Variants in DCPS observed in about 807,000 individuals in gnomAD.
DCPS encodes decapping enzyme, scavenger, also known as m7GpppX diphosphatase.
A neutral mutation model predicts 34.7 loss-of-function variants in DCPS; 27 were observed. The observed-to-expected ratio is 0.78, with a 90% confidence interval of 0.57 to 1.07. The LOEUF (loss-of-function observed/expected upper bound fraction) is 1.07. Among genes scored for constraint, DCPS ranks in the 50% least tolerant of loss-of-function variants. The probability of loss-of-function intolerance (pLI) is 0.00; values close to 1 mark genes in which losing one functional copy is unlikely to be tolerated. For synonymous variants in DCPS, 185 were observed against 185.7 expected, an observed-to-expected ratio of 1.00 and a Z score of 0.03; for missense variants, 464 against 436.9, an observed-to-expected ratio of 1.06 and a Z score of -0.55.
Position 126,334,104 on chromosome 11 carries a change from A to G in DCPS, c.522+2554A>G, listed in dbSNP as rs1951812842. 6.6e-6 allele frequency among the ~76,000 whole-genome samples: 1 copy of G among 152,098 alleles called. No homozygotes were observed. Among genetic ancestry groups the G allele is most frequent in the South Asian group, 2.1e-4 (1 of 4,824 alleles). Reference sequence around the variant, plus strand: ...AGGATTCTGGAGCAATTTAAGAGGTAGGTCTTCACAGGGCTGGATGGGGCT... The same window carrying G: ...AGGATTCTGGAGCAATTTAAGAGGTGGGTCTTCACAGGGCTGGATGGGGCT... On this transcript the variant is annotated intron_variant, in intron 3 of 5. Transcript: ENST00000263579. The surrounding 1 kb of genome is among the most constrained non-coding windows in gnomAD (Gnocchi z 5.5).
chr11:126,339,557 G>A (rs1366008951), intron 4 of DCPS, among the ~76,000 whole-genome samples: 4 of 152,224 alleles, frequency 2.6e-5, no homozygotes, highest in African/African-American at 9.6e-5. Flanking sequence ...TGACCCAAGG[G>A]GTGGGAAAGA....
rs1341186227 is a variant in DCPS, at chr11:126,335,383, A to G, written c.523-2903A>G. On this transcript the variant is annotated intron_variant, in intron 3 of 5. Transcript: ENST00000263579. The surrounding 1 kb of genome is among the most constrained non-coding windows in gnomAD (Gnocchi z 4.8). ...GCCAAGTTCTTGGGCATGGTTTCAG[A>G]TGGTGGCACTCCCCATTACATAGCT... 6.6e-6 allele frequency among the ~76,000 whole-genome samples: 1 copy of G among 152,226 alleles called. No individual in the cohort carries two copies. Among genetic ancestry groups the G allele is most frequent in the African/African-American group, 2.4e-5 (1 of 41,462 alleles).
In DCPS at chr11:126,331,491, G is replaced by A. The variant is rs1463307291; in HGVS notation, c.463G>A (p.Gly155Arg). The A allele has an allele frequency of 3.7e-6, 6 of 1,613,998 alleles. No homozygotes were observed. The highest frequency in any genetic ancestry group is 5.1e-6 in the Non-Finnish European group (6 of 1,180,042). Reference sequence around the variant, plus strand: ...GGACCTCCGCCTGATCCGAGAGACGGGAGATGACTACAGGAATATTACTTT... The same window carrying A: ...GGACCTCCGCCTGATCCGAGAGACGAGAGATGACTACAGGAATATTACTTT... ...RQDLRLIRETGDDYRNITLPH... is the reference protein window; with the variant it reads ...RQDLRLIRETRDDYRNITLPH... The change falls in exon 3 of 6, where the codon GGA becomes AGA. Residue 155 changes from glycine (G) to arginine (R), a missense_variant. Transcript: ENST00000263579. This position sits in a 1 kb window ranked among gnomAD's most constrained non-coding sequence, Gnocchi z 7.2.
At chr11:126,321,729 TG>T (rs1951707810) in intron 2 of DCPS, among the ~76,000 whole-genome samples, 1 of 152,002 alleles carries the variant, frequency 6.6e-6, no homozygotes, top group African/African-American at 2.4e-5. Context: ...AGAAACTGTG[TG>T]GGGAGAAGAC....
intron 1 of DCPS, 74 bp from the exon 2 acceptor site, chr11:126,306,496 G>T: frequency 7.0e-7 from 1 of 1,426,560 alleles, no homozygotes. Flanking sequence ...AAGGCCCTGG[G>T]AGCTTCTGTC....
At position 126,345,368 on chromosome 11, in the gene DCPS, C is replaced by A. The variant is rs146794173; in HGVS notation, c.769C>A (p.Arg257=). 1 of 1,614,034 alleles carries A rather than the reference C, an allele frequency of 6.2e-7. No individual in the cohort carries two copies. The highest frequency in any genetic ancestry group is 1.7e-5 in the Admixed American group (1 of 60,028). Residue 257 remains arginine, a synonymous_variant, in exon 6 of 6, where the codon CGG becomes AGG. Coordinates refer to ENST00000263579, the MANE Select transcript of DCPS (RefSeq NM_014026.6). This position sits in a 1 kb window ranked among gnomAD's most constrained non-coding sequence, Gnocchi z 7.4. ...TCAGGAGGCCATCCTGCAGCGCTAC[C>A]GGATGAAGGGAGACCATCTGCGAGT... ...QGQEAILQRY[R]MKGDHLRVYL...
At chr11:126,330,679 G>A (rs1227852986) in intron 2 of DCPS, among the ~76,000 whole-genome samples, 1 of 121,452 alleles carries the variant, frequency 8.2e-6, no homozygotes, top group Non-Finnish European at 1.6e-5. Flanking sequence ...GGACTACTGG[G>A]CTTTAAACCA....
Position 126,322,830 on chromosome 11 carries a change from A to G in DCPS, c.377-8575A>G, listed in dbSNP as rs750456506. ...TCTATCCTAAAATTCTTTAGCAAGA[A>G]GCAAAAAAATTTTTTTGAGACAATG... On this transcript the variant is annotated intron_variant, in intron 2 of 5. Transcript: ENST00000263579. The surrounding 1 kb of genome is among the most constrained non-coding windows in gnomAD (Gnocchi z 4.2). Among the ~76,000 whole-genome samples, 5 of 152,100 alleles carry G rather than the reference A, an allele frequency of 3.3e-5. No individual in the cohort carries two copies. The highest frequency in any genetic ancestry group is 5.9e-5 in the Non-Finnish European group (4 of 68,014).
At chr11:126,341,667 A>G (rs987399008) in intron 4 of DCPS, 1 of 152,254 alleles carries the variant, frequency 6.6e-6, no homozygotes, top group African/African-American at 2.4e-5. Flanking sequence ...ATACACCTTC[A>G]CCACCACGTG....
In DCPS at chr11:126,329,068, T is replaced by C. The variant is rs1591387840; in HGVS notation, c.377-2337T>C. Among the ~76,000 whole-genome samples, 2 of 152,274 alleles carry C rather than the reference T, an allele frequency of 1.3e-5. No individual in the cohort carries two copies. The highest frequency in any genetic ancestry group is 4.1e-4 in the South Asian group (2 of 4,820). Reference sequence around the variant, plus strand: ...AAGCTCCACTGCAGATGTATGGATTTCCCTCAGGTCCACTGCAAGGGCCAA... The same window carrying C: ...AAGCTCCACTGCAGATGTATGGATTCCCCTCAGGTCCACTGCAAGGGCCAA... On this transcript the variant is annotated intron_variant, in intron 2 of 5. Transcript: ENST00000263579. The surrounding 1 kb of genome is among the most constrained non-coding windows in gnomAD (Gnocchi z 5.0).
intron 4 of DCPS, among the ~76,000 whole-genome samples, 154 bp from the exon 5 acceptor site, chr11:126,343,153 A>C (rs542536269): frequency 6.6e-6 from 1 of 150,942 alleles, no homozygotes; most frequent in African/African-American, 2.4e-5. Context: ...AGACCATCCC[A>C]CACGCCCGGG....
rs1225230121 is a variant in DCPS, at chr11:126,309,075, AGTGCAATGGCAC to A, written c.376+2334_376+2345del. Among the ~76,000 whole-genome samples, 26 of 142,756 alleles carry A rather than the reference AGTGCAATGGCAC, an allele frequency of 1.8e-4. No individual in the cohort carries two copies. The South Asian group carries it at 5.4e-3, about 29-fold the overall frequency. 93.7% of individuals were successfully genotyped at this position (142,756 alleles called of 152,430 possible). On this transcript the variant is annotated intron_variant, in intron 2 of 5. Coordinates refer to ENST00000263579, the MANE Select transcript of DCPS (RefSeq NM_014026.6). ...GTTTTGCTCTTGTCACCCAGACTGGAGTGCAATGGCACGTTCTTGGCTCACTGCAACCTCCGC... is the reference window on the plus strand; with the variant it reads ...GTTTTGCTCTTGTCACCCAGACTGGAGTTCTTGGCTCACTGCAACCTCCGC...
rs368011898 is a variant in DCPS at position 126,323,986 on chromosome 11, A to G, written c.377-7419A>G. ...TCTGGGATTACAGAAGCAAGCCACC[A>G]TGCCTGGCTAATTTTTTTGTGTTTT... On this transcript the variant is annotated intron_variant, in intron 2 of 5. Coordinates refer to ENST00000263579, the MANE Select transcript of DCPS (RefSeq NM_014026.6). The surrounding 1 kb of genome is among the most constrained non-coding windows in gnomAD (Gnocchi z 4.4). Among the ~76,000 whole-genome samples the G allele has an allele frequency of 2.0e-4, 30 of 151,972 alleles. No homozygotes were observed. The highest frequency in any genetic ancestry group is 6.8e-4 in the African/African-American group (28 of 41,366).
Position 126,322,865 on chromosome 11 carries a change from G to C in DCPS, c.377-8540G>C, listed in dbSNP as rs888035222. 1.3e-5 allele frequency among the ~76,000 whole-genome samples: 2 copies of C among 152,156 alleles called. No homozygotes were observed. Among genetic ancestry groups the C allele is most frequent in the Admixed American group, 1.3e-4 (2 of 15,272 alleles). On this transcript the variant is annotated intron_variant, in intron 2 of 5. Transcript: ENST00000263579. The surrounding 1 kb of genome is among the most constrained non-coding windows in gnomAD (Gnocchi z 4.2). ...TTTTTTTGAGACAATGTCTCACTTT[G>C]TTGCCAGGTTGGAGTCCAGTGGTAC...
chr11:126,310,218 C>T lies in DCPS; in HGVS notation c.376+3474C>T, dbSNP rs192948960. On this transcript the variant is annotated intron_variant, in intron 2 of 5. Coordinates refer to ENST00000263579, the MANE Select transcript of DCPS (RefSeq NM_014026.6). ...CTTTAAAAAAACACCATCTGTATGC[C>T]GGCGACGCCCACCTTTATTTCTCCA... is the stretch of plus-strand genomic sequence containing the variant. Among the ~76,000 whole-genome samples, 301 of 152,278 alleles carry T rather than the reference C, an allele frequency of 2.0e-3. 2 individuals carry two copies. The highest frequency in any genetic ancestry group is 7.0e-3 in the African/African-American group (292 of 41,554).
At chr11:126,304,332 T>G in intron 1 of DCPS, 51 bp downstream of exon 1, 1 of 1,587,974 alleles carries the variant, frequency 6.3e-7, no homozygotes. Flanking sequence ...GAACCAATCA[T>G]CGCCTCGGAG....
chr11:126,340,550 G>A (rs1417671591), intron 4 of DCPS, among the ~76,000 whole-genome samples: 2 of 152,214 alleles, frequency 1.3e-5, no homozygotes, highest in Non-Finnish European at 2.9e-5. Flanking sequence ...ACTTGTGACA[G>A]CACTGAATTG....
In DCPS at chr11:126,312,402, G is replaced by A. The variant is rs1486712650; in HGVS notation, c.376+5658G>A. 1.3e-5 allele frequency among the ~76,000 whole-genome samples: 2 copies of A among 151,564 alleles called. No individual in the cohort carries two copies. Among genetic ancestry groups the A allele is most frequent in the East Asian group, 1.9e-4 (1 of 5,158 alleles). The stretch of plus-strand genomic sequence containing the variant: ...CACCCAGGCTGGAGTGCAGTGGTGC[G>A]ATCTCGGCTCACTGCAACCTCCACC... On this transcript the variant is annotated intron_variant, in intron 2 of 5. Transcript: ENST00000263579. This position sits in a 1 kb window ranked among gnomAD's most constrained non-coding sequence, Gnocchi z 5.1.
chr11:126,331,316 C>A lies in DCPS; in HGVS notation c.377-89C>A. ...TTGGCTTCCCTCAGGGAATCAAAGC[C>A]AGGGTGGGAGTTCTCTCCTCACCGT... is the stretch of plus-strand genomic sequence containing the variant. On this transcript the variant is annotated intron_variant, in intron 2 of 5. Transcript: ENST00000263579. This position sits in a 1 kb window ranked among gnomAD's most constrained non-coding sequence, Gnocchi z 7.2. The A allele has an allele frequency of 6.5e-7, 1 of 1,543,906 alleles. No homozygotes were observed. Among genetic ancestry groups the A allele is most frequent in the South Asian group, 1.2e-5 (1 of 81,568 alleles).
Sources: allele counts gnomAD v4.1 joint callset (sites outside exome capture counted in the v4.1 genomes callset), GRCh38; gene constraint gnomAD v4.1.1; non-coding constraint Gnocchi (gnomAD v3.1); transcripts MANE v1.5; gene names NCBI Gene and HGNC (gene_info 2026-07-23, HGNC 2026-07-21).